Variants in SBF2 observed in about 807,000 individuals in gnomAD.
SBF2 encodes SET binding factor 2.
A neutral mutation model predicts 225.2 loss-of-function variants in SBF2; 112 were observed. The observed-to-expected ratio is 0.50, with a 90% CI of 0.43 to 0.58. SBF2 has a LOEUF of 0.58. Among genes scored for constraint, SBF2 ranks in the 20% least tolerant of loss-of-function variants. SBF2 has a pLI of 0.00. For missense variants in SBF2, 1,996 were observed against 2,206.2 expected, an observed-to-expected ratio of 0.90 and a Z score of 1.91; for synonymous variants, 763 against 773.3, an observed-to-expected ratio of 0.99 and a Z score of 0.22.
intron 1 of SBF2, among the ~76,000 whole-genome samples, chr11:10,261,781 T>A (rs1346994260): frequency 6.6e-6 from 1 of 152,164 alleles, no homozygotes; most frequent in Non-Finnish European, 1.5e-5. Context: ...TGGAATATCA[T>A]TCAGCAAAAA....
At chr11:10,244,298 G>T (rs1341959379) in intron 1 of SBF2, among the ~76,000 whole-genome samples, 1 of 152,088 alleles carries the variant, frequency 6.6e-6, no homozygotes, top group East Asian at 1.9e-4. Context: ...TTTTGTTTAT[G>T]GTGTAAGGTA....
chr11:10,077,854 T>C (rs1000837294), intron 2 of SBF2, among the ~76,000 whole-genome samples: 10 of 152,146 alleles, frequency 6.6e-5, no homozygotes, highest in African/African-American at 2.2e-4. Flanking sequence ...ACAGGCAACC[T>C]ACAGGATAGG....
chr11:10,294,086 C>T lies in SBF2; in HGVS notation c.-17G>A. Reference sequence around the variant, plus strand: ...CCGGGCCATGGCCGCCGCCGCCGCGCTCGGGAAGCGGGTCCCCGTCGCCGC... The same window carrying T: ...CCGGGCCATGGCCGCCGCCGCCGCGTTCGGGAAGCGGGTCCCCGTCGCCGC... On this transcript the variant is annotated 5_prime_UTR_variant, in exon 1 of 40. Coordinates refer to ENST00000256190, the MANE Select transcript of SBF2 (RefSeq NM_030962.4). The T allele has an allele frequency of 7.4e-7, 1 of 1,358,252 alleles. No homozygotes were observed. The highest frequency in any genetic ancestry group is 9.5e-7 in the Non-Finnish European group (1 of 1,054,726). 84.1% of individuals were successfully genotyped at this position (1,358,252 alleles called of 1,614,324 possible). A position where few individuals can be genotyped will look rare whatever the true frequency, so the allele number is the denominator to read the frequency against.
At chr11:10,189,765 A>ATGT in intron 2 of SBF2, among the ~76,000 whole-genome samples, 1 of 152,320 alleles carries the variant, frequency 6.6e-6, no homozygotes, top group Middle Eastern at 3.4e-3. Context: ...ATCTAACAAA[A>ATGT]ACCTTAGTAC....
intron 35 of SBF2, among the ~76,000 whole-genome samples, chr11:9,788,880 C>T (rs1321465221): frequency 1.3e-5 from 2 of 151,940 alleles, no homozygotes; most frequent in South Asian, 4.1e-4. Flanking sequence ...GCTGGGATTA[C>T]AGGCGTGAGC....
At chr11:9,913,183 T>A (rs1000686787) in intron 16 of SBF2, among the ~76,000 whole-genome samples, 2 of 151,872 alleles carry the variant, frequency 1.3e-5, no homozygotes, top group African/African-American at 4.8e-5. Flanking sequence ...ATTCAGGAGG[T>A]TGAGGTGGGA....
intron 32 of SBF2, among the ~76,000 whole-genome samples, chr11:9,801,857 TG>T (rs1158380256): frequency 2.0e-5 from 3 of 152,242 alleles, no homozygotes; most frequent in Admixed American, 2.0e-4. Flanking sequence ...CCAACCTGTG[TG>T]GGGGCAGCTT....
intron 16 of SBF2, chr11:9,959,167 A>G: frequency 6.0e-6 from 5 of 831,924 alleles, no homozygotes; most frequent in Admixed American, 1.7e-5. Context: ...ATGATCTTCC[A>G]TGCTGATTCC....
intron 1 of SBF2, among the ~76,000 whole-genome samples, chr11:10,274,269 T>C (rs998498590): frequency 6.6e-6 from 1 of 152,180 alleles, no homozygotes; most frequent in South Asian, 2.1e-4. Flanking sequence ...TAGGGTTTCA[T>C]TTTATTAAGA....
intron 2 of SBF2, among the ~76,000 whole-genome samples, chr11:10,152,464 G>A (rs1309822750): frequency 1.3e-5 from 2 of 151,916 alleles, no homozygotes; most frequent in African/African-American, 4.8e-5. Flanking sequence ...CAGGAGAATC[G>A]CTTGAACCTG....
At chr11:10,215,809 TG>T (rs1958108082) in intron 1 of SBF2, among the ~76,000 whole-genome samples, 1 of 152,228 alleles carries the variant, frequency 6.6e-6, no homozygotes, top group Admixed American at 6.5e-5. Context: ...TTATATAACA[TG>T]TTACTCCACT....
chr11:10,007,171 G>C (rs752607866), intron 6 of SBF2, among the ~76,000 whole-genome samples: 8 of 152,168 alleles, frequency 5.3e-5, no homozygotes, highest in Non-Finnish European at 1.2e-4. Context: ...CCGAAGTTAA[G>C]GGTACATGGT....
chr11:9,930,152 G>T (rs1162752736), intron 16 of SBF2, among the ~76,000 whole-genome samples: 1 of 151,650 alleles, frequency 6.6e-6, no homozygotes, highest in South Asian at 2.1e-4. Flanking sequence ...TTAATATAAA[G>T]AATTTTAAAA....
intron 24 of SBF2, among the ~76,000 whole-genome samples, chr11:9,844,365 G>A (rs1343010238): frequency 6.6e-6 from 1 of 152,168 alleles, no homozygotes; most frequent in Non-Finnish European, 1.5e-5. Flanking sequence ...TCCAAAGTCT[G>A]CAAAGCTCTC....
chr11:9,864,645 C>A (rs1858038369), intron 17 of SBF2, among the ~76,000 whole-genome samples: 1 of 152,096 alleles, frequency 6.6e-6, no homozygotes, highest in Non-Finnish European at 1.5e-5. Flanking sequence ...CCTCGGCCAC[C>A]CAAAGTTCTA....
intron 2 of SBF2, among the ~76,000 whole-genome samples, chr11:10,172,056 T>C (rs1018949409): frequency 6.6e-6 from 1 of 152,100 alleles, no homozygotes; most frequent in South Asian, 2.1e-4. Context: ...GGCTAAAGGT[T>C]TGTCAATTTT....
chr11:10,134,231 C>T (rs752934704), intron 2 of SBF2, among the ~76,000 whole-genome samples: 1 of 152,130 alleles, frequency 6.6e-6, no homozygotes, highest in Non-Finnish European at 1.5e-5. Context: ...ATCACTAGAA[C>T]AGCACAGGAA....
At chr11:10,149,367 A>AT (rs1955055227) in intron 2 of SBF2, 2 of 152,052 alleles carry the variant, frequency 1.3e-5, no homozygotes, top group African/African-American at 4.8e-5. Context: ...AAAAACAGTC[A>AT]TTTTTTCCAA....
chr11:10,262,121 T>C (rs1279900044), intron 1 of SBF2, among the ~76,000 whole-genome samples: 1 of 152,104 alleles, frequency 6.6e-6, no homozygotes, highest in South Asian at 2.1e-4. Flanking sequence ...GTCCCCAAAA[T>C]TGCATTATGG....
Sources: allele counts gnomAD v4.1 joint callset (sites outside exome capture counted in the v4.1 genomes callset), GRCh38; gene constraint gnomAD v4.1.1; transcripts MANE v1.5; gene names NCBI Gene and HGNC (gene_info 2026-07-23, HGNC 2026-07-21).